Variants in SLC2A13 observed in about 807,000 individuals in gnomAD.
SLC2A13 encodes proton myo-inositol cotransporter.
Under a neutral mutation model 64.4 loss-of-function variants are expected in SLC2A13, and 32 were observed. That is an observed-to-expected ratio of 0.50 (90% CI 0.37 to 0.67). SLC2A13 has a LOEUF of 0.67. SLC2A13 is among the 30% of genes least tolerant of loss of function. The pLI is 0.00. For synonymous variants in SLC2A13, 338 were observed against 327.1 expected, an observed-to-expected ratio of 1.03 and a Z score of -0.36; for missense variants, 743 against 829.2, an observed-to-expected ratio of 0.90 and a Z score of 1.28.
chr12:40,104,508 T>C (rs1158826135), intron 1 of SLC2A13, among the ~76,000 whole-genome samples: 1 of 152,062 alleles, frequency 6.6e-6, no homozygotes, highest in African/African-American at 2.4e-5. Context: ...ATTAAGGAAG[T>C]GAATATGACC....
intron 1 of SLC2A13, among the ~76,000 whole-genome samples, chr12:40,073,982 T>C (rs182877269): frequency 3.3e-4 from 50 of 152,182 alleles, no homozygotes; most frequent in African/African-American, 1.2e-3. Context: ...CTTCCTGATA[T>C]TTCTTTTATA....
At chr12:39,923,349 T>G (rs574774151) in intron 4 of SLC2A13, among the ~76,000 whole-genome samples, 96 of 152,326 alleles carry the variant, frequency 6.3e-4, no homozygotes, top group African/African-American at 2.2e-3. Flanking sequence ...TGATACATGC[T>G]ACAATAAGGA....
At chr12:39,837,053 C>G (rs1221718962) in intron 6 of SLC2A13, among the ~76,000 whole-genome samples, 1 of 46,134 alleles carries the variant, frequency 2.2e-5, no homozygotes, top group East Asian at 8.8e-4. Flanking sequence ...GCCAAAAGAA[C>G]AAAGCTGGAG....
intron 3 of SLC2A13, among the ~76,000 whole-genome samples, chr12:40,025,939 A>G (rs777017483): frequency 1.3e-5 from 2 of 152,096 alleles, no homozygotes; most frequent in Non-Finnish European, 1.5e-5. Flanking sequence ...TTAACTCTCT[A>G]TTTTCCAATT....
intron 4 of SLC2A13, among the ~76,000 whole-genome samples, chr12:39,879,946 G>C (rs1944298447): frequency 6.6e-6 from 1 of 152,186 alleles, no homozygotes; most frequent in South Asian, 2.1e-4. Context: ...GGGTGTGTTT[G>C]GGTCATGGGG....
chr12:39,778,982 A>G (rs556435658), intron 7 of SLC2A13, among the ~76,000 whole-genome samples: 1 of 152,316 alleles, frequency 6.6e-6, no homozygotes, highest in African/African-American at 2.4e-5. Context: ...CAGGGAAAAG[A>G]ACTAACTAGG....
chr12:39,998,409 T>C (rs2136177866), intron 3 of SLC2A13, among the ~76,000 whole-genome samples: 1 of 152,270 alleles, frequency 6.6e-6, no homozygotes, highest in Non-Finnish European at 1.5e-5. Context: ...GGGTGAGGAA[T>C]AAAACAGTCT....
In SLC2A13 at chr12:39,895,775, TGC is replaced by T. The variant is rs1944777180; in HGVS notation, c.1035-23816_1035-23815del. Among the ~76,000 whole-genome samples the T allele has an allele frequency of 6.5e-5, 6 of 92,530 alleles. 2 individuals are homozygous for T. Among genetic ancestry groups the T allele is most frequent in the East Asian group, 6.1e-4 (2 of 3,300 alleles). 60.7% of individuals were successfully genotyped at this position (92,530 alleles called of 152,430 possible). ...GCGTGTATACGTACACACATGTATA[TGC>T]GTGTATACGTACACACATGTATATG... On this transcript the variant is annotated intron_variant, in intron 4 of 9. Coordinates refer to ENST00000280871, the MANE Select transcript of SLC2A13 (RefSeq NM_052885.4).
chr12:40,069,581 A>C (rs1937873810), intron 1 of SLC2A13, among the ~76,000 whole-genome samples: 1 of 152,106 alleles, frequency 6.6e-6, no homozygotes, highest in Non-Finnish European at 1.5e-5. Context: ...CAGCATCTAC[A>C]GATGCTATCT....
chr12:39,924,128 A>C (rs2136061235), intron 4 of SLC2A13, among the ~76,000 whole-genome samples: 1 of 152,204 alleles, frequency 6.6e-6, no homozygotes, highest in African/African-American at 2.4e-5. Flanking sequence ...AATAATGTAC[A>C]CTCTTAAAAT....
intron 3 of SLC2A13, among the ~76,000 whole-genome samples, chr12:39,955,079 C>T (rs1250014473): frequency 6.6e-6 from 1 of 152,142 alleles, no homozygotes; most frequent in Non-Finnish European, 1.5e-5. Flanking sequence ...ATTGTATGGT[C>T]AATGTCTTAG....
chr12:39,993,359 C>T (rs1019709242), intron 3 of SLC2A13, among the ~76,000 whole-genome samples: 8 of 152,122 alleles, frequency 5.3e-5, no homozygotes, highest in Admixed American at 6.6e-5. Context: ...AAAAGGCAAG[C>T]TTTTAGTGGA....
intron 3 of SLC2A13, among the ~76,000 whole-genome samples, chr12:40,023,334 C>T (rs753335870): frequency 4.6e-5 from 7 of 152,208 alleles, no homozygotes; most frequent in Non-Finnish European, 1.0e-4. Flanking sequence ...TCTAAGACCT[C>T]CCAGAAACTG....
At chr12:39,960,872 C>T (rs1372656609) in intron 3 of SLC2A13, among the ~76,000 whole-genome samples, 1 of 149,178 alleles carries the variant, frequency 6.7e-6, no homozygotes, top group African/African-American at 2.5e-5. Flanking sequence ...CTCGACCTCT[C>T]GAGTGGCTGA....
At chr12:39,939,676 C>G (rs1187931717) in intron 4 of SLC2A13, among the ~76,000 whole-genome samples, 2 of 152,172 alleles carry the variant, frequency 1.3e-5, no homozygotes, top group African/African-American at 4.8e-5. Flanking sequence ...ATATAAGAAG[C>G]TAGGCCTCTA....
At chr12:39,789,712 CTTTT>C (rs2135759085) in intron 7 of SLC2A13, among the ~76,000 whole-genome samples, 2 of 152,210 alleles carry the variant, frequency 1.3e-5, no homozygotes, top group South Asian at 4.2e-4. Context: ...GCCAACATTT[CTTTT>C]TTAAGTATCC....
At chr12:39,958,423 G>A (rs1946354514) in intron 3 of SLC2A13, among the ~76,000 whole-genome samples, 1 of 152,162 alleles carries the variant, frequency 6.6e-6, no homozygotes. Flanking sequence ...GGATTTAAGA[G>A]TAGTACTATC....
At chr12:39,809,761 G>GT (rs1184911949) in intron 7 of SLC2A13, among the ~76,000 whole-genome samples, 24 of 151,972 alleles carry the variant, frequency 1.6e-4, no homozygotes, top group Non-Finnish European at 3.2e-4. Context: ...GCGGTGTTTG[G>GT]TTTTTTTGTC....
intron 6 of SLC2A13, among the ~76,000 whole-genome samples, chr12:39,846,005 T>G (rs1398014315): frequency 2.6e-5 from 4 of 152,154 alleles, no homozygotes; most frequent in Non-Finnish European, 5.9e-5. Flanking sequence ...GGTATTACTT[T>G]GTAAGTGCTC....
Sources: allele counts gnomAD v4.1 joint callset (sites outside exome capture counted in the v4.1 genomes callset), GRCh38; gene constraint gnomAD v4.1.1; transcripts MANE v1.5; gene names NCBI Gene and HGNC (gene_info 2026-07-23, HGNC 2026-07-21).